UNC13C: variants seen among roughly 807,000 people sequenced by gnomAD.
UNC13C encodes the protein protein unc-13 homolog C.
A neutral mutation model predicts 245.4 loss-of-function variants in UNC13C; 174 were observed. That is an observed-to-expected ratio of 0.71 (90% CI 0.63 to 0.80). UNC13C has a LOEUF of 0.80. Ranked by LOEUF, UNC13C falls within the 30% of genes least tolerant of loss-of-function variation. The probability of loss-of-function intolerance (pLI) is 0.00; values close to 1 mark genes in which losing one functional copy is unlikely to be tolerated. For missense variants in UNC13C, 2,829 were observed against 2,602.9 expected (o/e 1.09, Z -1.89); for synonymous variants, 992 against 895.1 (o/e 1.11, Z -1.93).
chr15:53,909,994 CT>C, the UNC13C span, among the ~76,000 whole-genome samples: 1,378 of 124,366 alleles, frequency 0.011, 40 homozygotes, highest in East Asian at 0.029. Flanking sequence ...AGTGGAAATA[CT>C]TTTTTTTTTT....
chr15:54,076,382 G>A (rs979745608), intron 2 of UNC13C, among the ~76,000 whole-genome samples: 1 of 150,878 alleles, frequency 6.6e-6, no homozygotes, highest in Non-Finnish European at 1.5e-5. Flanking sequence ...TCTTGCGATA[G>A]TTTACTGAGA....
chr15:54,356,489 T>G lies in UNC13C; in HGVS notation c.4713+18000T>G, dbSNP rs77709760. Among the ~76,000 whole-genome samples, 264 of 152,278 alleles carry G rather than the reference T, an allele frequency of 1.7e-3. 1 individual carries two copies. Among genetic ancestry groups the G allele is most frequent in the African/African-American group, 6.1e-3 (252 of 41,560 alleles). ...AACAGAGATTTATCGCTCACAGTTC[T>G]CAAAGCTGGGAAGTTCAAGATCAAG... On this transcript the variant is annotated intron_variant, in intron 17 of 32. Coordinates refer to ENST00000260323, the MANE Select transcript of UNC13C (RefSeq NM_001080534.3).
chr15:54,099,274 C>T lies in UNC13C; in HGVS notation c.2984-43744C>T, dbSNP rs538481843. 9.1e-4 allele frequency among the ~76,000 whole-genome samples: 139 copies of T among 152,246 alleles called. 1 individual carries two copies. Among genetic ancestry groups the T allele is most frequent in the Non-Finnish European group, 1.2e-3 (81 of 68,014 alleles). ...CATTTAAGTTGGATGAAATGCTCCCCTTTCTATCTTTCTCCCATGGAAAAA... is the reference window on the plus strand; with the variant it reads ...CATTTAAGTTGGATGAAATGCTCCCTTTTCTATCTTTCTCCCATGGAAAAA... On this transcript the variant is annotated intron_variant, in intron 2 of 32. Transcript: ENST00000260323.
chr15:54,549,565 T>G (rs185658661), intron 27 of UNC13C, 70 bp from the exon 28 acceptor site: 202 of 1,138,148 alleles, frequency 1.8e-4, no homozygotes, highest in Admixed American at 8.4e-4. Flanking sequence ...ATCTGTTGAC[T>G]GCATTTCTAT....
At chr15:54,099,848 A>C (rs1168180697) in intron 2 of UNC13C, among the ~76,000 whole-genome samples, 1 of 152,162 alleles carries the variant, frequency 6.6e-6, no homozygotes, top group Non-Finnish European at 1.5e-5. Flanking sequence ...TAATCCCAGC[A>C]CTTTGGGAGG....
chr15:54,094,607 A>G (rs1424468101), intron 2 of UNC13C, among the ~76,000 whole-genome samples: 1 of 152,222 alleles, frequency 6.6e-6, no homozygotes. Context: ...CCACCATCTT[A>G]GATGACAACT....
chr15:53,884,030 T>C, the UNC13C span, among the ~76,000 whole-genome samples: 1 of 152,182 alleles, frequency 6.6e-6, no homozygotes, highest in African/African-American at 2.4e-5. Flanking sequence ...GCTGTGATCC[T>C]GGGGAAATGA....
At chr15:53,985,402 C>T (rs1475499869) in intron 1 of UNC13C, among the ~76,000 whole-genome samples, 2 of 150,384 alleles carry the variant, frequency 1.3e-5, no homozygotes, top group African/African-American at 4.9e-5. Context: ...CACATGTGCA[C>T]AGTGTGCAGG....
At chr15:53,899,129 A>C in the UNC13C span, among the ~76,000 whole-genome samples, 132 of 152,268 alleles carry the variant, frequency 8.7e-4, no homozygotes, top group Non-Finnish European at 1.5e-3. Flanking sequence ...TTATTTTAAC[A>C]CCATCAGTAT....
chr15:54,450,213 G>A (rs1891091921), intron 19 of UNC13C, among the ~76,000 whole-genome samples: 1 of 152,194 alleles, frequency 6.6e-6, no homozygotes, highest in African/African-American at 2.4e-5. Flanking sequence ...GGCTACTCGG[G>A]GGTCGGGGAC....
At chr15:54,198,707 C>G (rs939506123) in intron 4 of UNC13C, among the ~76,000 whole-genome samples, 2 of 152,110 alleles carry the variant, frequency 1.3e-5, no homozygotes, top group Non-Finnish European at 2.9e-5. Context: ...AAGATCTGAA[C>G]AGCAGCCTTT....
downstream of UNC13C, chr15:54,631,434 A>G (rs1363551811): frequency 6.6e-6 from 1 of 152,232 alleles, no homozygotes; most frequent in African/African-American, 2.4e-5. Flanking sequence ...GTAGTCATGT[A>G]TTAATCACAA....
chr15:53,910,949 T>C, the UNC13C span: 57,685 of 126,916 alleles, frequency 0.45, 15,261 homozygotes, highest in South Asian at 0.58. Context: ...TGAGGGCTCC[T>C]GGGTCAGCTA....
intron 4 of UNC13C, among the ~76,000 whole-genome samples, chr15:54,199,575 T>C (rs912588815): frequency 2.0e-5 from 3 of 152,118 alleles, no homozygotes; most frequent in Non-Finnish European, 4.4e-5. Flanking sequence ...CCAAGAATTG[T>C]GTATTCAGCA....
intron 7 of UNC13C, among the ~76,000 whole-genome samples, chr15:54,247,156 G>T (rs74013535): frequency 0.025 from 3,862 of 152,130 alleles, 161 homozygotes; most frequent in African/African-American, 0.089. Context: ...TTACTTTTCT[G>T]TTTAATGGCT....
At chr15:54,242,551 T>C (rs2035881831) in intron 7 of UNC13C, among the ~76,000 whole-genome samples, 1 of 152,142 alleles carries the variant, frequency 6.6e-6, no homozygotes, top group Non-Finnish European at 1.5e-5. Context: ...TTCTCTGGCT[T>C]TGCTTTGTTG....
At chr15:54,042,854 GAAAAGAA>G (rs1340290643) in intron 2 of UNC13C, among the ~76,000 whole-genome samples, 1 of 150,524 alleles carries the variant, frequency 6.6e-6, no homozygotes, top group Non-Finnish European at 1.5e-5. Flanking sequence ...CTCTGTCTCA[GAAAAGAA>G]AAAGAAAAAG....
intron 7 of UNC13C, among the ~76,000 whole-genome samples, chr15:54,247,119 T>A (rs1435289284): frequency 6.6e-6 from 1 of 152,192 alleles, no homozygotes; most frequent in East Asian, 1.9e-4. Context: ...TATTTACAGC[T>A]GATTATTAAT....
chr15:54,003,038 C>T (rs1449269581), intron 1 of UNC13C, among the ~76,000 whole-genome samples: 1 of 151,368 alleles, frequency 6.6e-6, no homozygotes, highest in African/African-American at 2.4e-5. Flanking sequence ...CAGTGCTGTT[C>T]AAACTGCACT....
Sources: allele counts gnomAD v4.1 joint callset (sites outside exome capture counted in the v4.1 genomes callset), GRCh38; gene constraint gnomAD v4.1.1; transcripts MANE v1.5; gene names NCBI Gene and HGNC (gene_info 2026-07-23, HGNC 2026-07-21).